NRXN1: variants seen among roughly 807,000 people sequenced by gnomAD.
NRXN1 encodes neurexin-1.
In NRXN1, 39 loss-of-function variants were observed where a neutral mutation model predicts 150.9. The observed-to-expected ratio is 0.26, with a 90% CI of 0.20 to 0.34. NRXN1 has a LOEUF of 0.34. Among genes scored for constraint, NRXN1 ranks in the 10% least tolerant of loss-of-function variants. The pLI is 1.00. For missense variants in NRXN1, 1,815 were observed against 1,949.9 expected, an observed-to-expected ratio of 0.93 and a Z score of 1.30; for synonymous variants, 924 against 757.0, an observed-to-expected ratio of 1.22 and a Z score of -3.62.
intron 7 of NRXN1, among the ~76,000 whole-genome samples, chr2:50,620,423 G>C (rs1312418904): frequency 6.6e-6 from 1 of 152,168 alleles, no homozygotes; most frequent in Admixed American, 6.5e-5. Flanking sequence ...ACTAGTTAGA[G>C]AGTTAACTGA....
intron 5 of NRXN1, among the ~76,000 whole-genome samples, chr2:50,809,004 T>C (rs1298754394): frequency 6.6e-6 from 1 of 152,098 alleles, no homozygotes; most frequent in Admixed American, 6.6e-5. Flanking sequence ...GGAAAATTCA[T>C]AATGTCTCTG....
chr2:50,268,886 C>T (rs191319804), intron 17 of NRXN1, among the ~76,000 whole-genome samples: 19 of 152,206 alleles, frequency 1.2e-4, no homozygotes, highest in Non-Finnish European at 2.5e-4. Context: ...GAGTTGCAAA[C>T]GCAGTTGTAT....
At chr2:50,778,071 T>A (rs1476562280) in intron 5 of NRXN1, among the ~76,000 whole-genome samples, 4 of 152,118 alleles carry the variant, frequency 2.6e-5, no homozygotes, top group Non-Finnish European at 5.9e-5. Context: ...CCTCCCCCCC[T>A]TTTTTCTTTA....
intron 5 of NRXN1, among the ~76,000 whole-genome samples, chr2:50,689,148 T>A (rs958306073): frequency 2.7e-4 from 41 of 152,240 alleles, no homozygotes; most frequent in African/African-American, 9.6e-4. Flanking sequence ...AAATTTAATA[T>A]ATGTAAGTTT....
At position 50,620,015 on chromosome 2, in the gene NRXN1, T is replaced by C. The variant is rs1043965509; in HGVS notation, c.1320+7A>G. The C allele has an allele frequency of 1.3e-6, 2 of 1,579,730 alleles. No individual in the cohort carries two copies. The highest frequency in any genetic ancestry group is 1.7e-6 in the Non-Finnish European group (2 of 1,161,692). ...TTAGGAATGATTCTGATGGCAACGA[T>C]ATTTACCTCTTTGAGACAGCCCATA... On this transcript the variant is annotated splice_region_variant and intron_variant, in intron 8 of 22. Coordinates refer to ENST00000401669, the MANE Select transcript of NRXN1 (RefSeq NM_001330078.2).
At chr2:50,634,596 C>G (rs868548930) in intron 5 of NRXN1, among the ~76,000 whole-genome samples, 3 of 152,164 alleles carry the variant, frequency 2.0e-5, no homozygotes, top group Non-Finnish European at 4.4e-5. Context: ...TTTTCCCCAT[C>G]TCTTAATATC....
chr2:50,072,233 G>A (rs1696392021), intron 19 of NRXN1, among the ~76,000 whole-genome samples: 1 of 152,112 alleles, frequency 6.6e-6, no homozygotes. Flanking sequence ...GCGGATGACT[G>A]CAGCACTATT....
chr2:50,162,760 T>C lies in NRXN1; in HGVS notation c.3547-71266A>G, dbSNP rs186136319. Among the ~76,000 whole-genome samples the C allele has an allele frequency of 1.6e-4, 25 of 152,258 alleles. No homozygotes were observed. In the East Asian group the frequency reaches 4.6e-3, roughly 28 times the overall value. On this transcript the variant is annotated intron_variant, in intron 18 of 22. Coordinates refer to ENST00000401669, the MANE Select transcript of NRXN1 (RefSeq NM_001330078.2). ...TACTATTCTGCCTAACCTCATGGTA[T>C]TGACAAACCTTAATCAGATATTATT...
At chr2:50,648,869 T>C (rs553936297) in intron 5 of NRXN1, among the ~76,000 whole-genome samples, 46 of 152,100 alleles carry the variant, frequency 3.0e-4, no homozygotes, top group African/African-American at 9.9e-4. Context: ...GCCCTTCTAT[T>C]TGTAGGTCCA....
At chr2:50,717,339 C>A (rs929880265) in intron 5 of NRXN1, among the ~76,000 whole-genome samples, 4 of 152,112 alleles carry the variant, frequency 2.6e-5, no homozygotes, top group African/African-American at 9.7e-5. Flanking sequence ...ACATGTACTT[C>A]CTGGTACCCC....
chr2:51,005,599 A>C (rs896740533), intron 2 of NRXN1, among the ~76,000 whole-genome samples: 1 of 152,054 alleles, frequency 6.6e-6, no homozygotes, highest in African/African-American at 2.4e-5. Flanking sequence ...ACATGAAAAC[A>C]TGCAAGACTA....
At chr2:50,824,922 A>C (rs67134957) in intron 5 of NRXN1, among the ~76,000 whole-genome samples, 25,126 of 152,212 alleles carry the variant, frequency 0.17, 2,324 homozygotes, top group Non-Finnish European at 0.19. Context: ...GGCATCCACA[A>C]TTTGTTATTA....
chr2:50,540,362 T>C (rs1462140372), intron 9 of NRXN1, among the ~76,000 whole-genome samples: 1 of 152,122 alleles, frequency 6.6e-6, no homozygotes, highest in Non-Finnish European at 1.5e-5. Flanking sequence ...TTTAGAAAAA[T>C]ATAAAGCATG....
intron 17 of NRXN1, among the ~76,000 whole-genome samples, chr2:50,261,431 G>A (rs756735297): frequency 6.6e-6 from 1 of 151,798 alleles, no homozygotes; most frequent in African/African-American, 2.4e-5. Flanking sequence ...TCTTTTGAAA[G>A]CAGCAAGATT....
At chr2:50,874,045 C>A (rs760143199) in intron 5 of NRXN1, among the ~76,000 whole-genome samples, 6 of 151,816 alleles carry the variant, frequency 4.0e-5, no homozygotes, top group African/African-American at 1.2e-4. Flanking sequence ...TAGGACACAA[C>A]GTAGTATTTT....
intron 17 of NRXN1, among the ~76,000 whole-genome samples, chr2:50,395,426 T>C (rs1236448342): frequency 1.3e-5 from 2 of 151,770 alleles, no homozygotes; most frequent in Non-Finnish European, 2.9e-5. Context: ...AAGAATTTTT[T>C]TCTACACATT....
chr2:50,258,209 A>G (rs780311077), intron 17 of NRXN1, among the ~76,000 whole-genome samples: 4 of 152,054 alleles, frequency 2.6e-5, no homozygotes, highest in Admixed American at 1.3e-4. Context: ...TCTCCATAGC[A>G]TACAATGCTG....
At chr2:50,830,535 A>C (rs1323372372) in intron 5 of NRXN1, among the ~76,000 whole-genome samples, 1 of 151,788 alleles carries the variant, frequency 6.6e-6, no homozygotes, top group Non-Finnish European at 1.5e-5. Context: ...ATCTACTATA[A>C]ATAAAATAAG....
At chr2:50,242,933 T>C (rs1048235858) in intron 17 of NRXN1, among the ~76,000 whole-genome samples, 1 of 151,586 alleles carries the variant, frequency 6.6e-6, no homozygotes, top group African/African-American at 2.4e-5. Flanking sequence ...TAGGCACAGG[T>C]CCCATATTCT....
Sources: allele counts gnomAD v4.1 joint callset (sites outside exome capture counted in the v4.1 genomes callset), GRCh38; gene constraint gnomAD v4.1.1; transcripts MANE v1.5; gene names NCBI Gene and HGNC (gene_info 2026-07-23, HGNC 2026-07-21).